The following ZNF83 variants were observed in gnomAD, a reference collection of about 807,000 sequenced individuals.
ZNF83 encodes the protein zinc finger protein 83.
For synonymous variants in ZNF83, 209 were observed against 213.0 expected (o/e 0.98, Z 0.17); for missense variants, 552 against 629.9 (o/e 0.88, Z 1.32).
At chr19:52,679,197 T>C (rs2061867743) in intron 1 of ZNF83, among the ~76,000 whole-genome samples, 1 of 152,188 alleles carries the variant, frequency 6.6e-6, no homozygotes, top group South Asian at 2.1e-4. Flanking sequence ...TGAGCCCAAA[T>C]GACATCCTCA....
intron 3 of ZNF83, among the ~76,000 whole-genome samples, chr19:52,647,749 C>T (rs561879237): frequency 6.6e-6 from 1 of 151,768 alleles, no homozygotes; most frequent in East Asian, 1.9e-4. Flanking sequence ...CCTTCTCTTC[C>T]ACCTCTTCTG....
At chr19:52,616,118 G>A (rs753011210) in intron 2 of ZNF83, among the ~76,000 whole-genome samples, 1 of 152,234 alleles carries the variant, frequency 6.6e-6, no homozygotes, top group Non-Finnish European at 1.5e-5. Context: ...GATTTCAGGT[G>A]TGAGCCACTG....
At chr19:52,681,280 C>CAAAAAAAAAAAAAAAAAAAAA (rs56916405) in intron 1 of ZNF83, among the ~76,000 whole-genome samples, 7 of 75,424 alleles carry the variant, frequency 9.3e-5, no homozygotes, top group African/African-American at 2.8e-4. Context: ...GAGACTTTCT[C>CAAAAAAAAAAAAAAAAAAAAA]AAAAAAAAAA....
chr19:52,664,184 AT>A (rs57600625), intron 1 of ZNF83, among the ~76,000 whole-genome samples: 54,618 of 141,412 alleles, frequency 0.39, 10,523 homozygotes, highest in African/African-American at 0.46. Flanking sequence ...CACCAGGCCT[AT>A]TTTTTTTTTT....
chr19:52,677,378 C>A (rs1335832978), intron 1 of ZNF83, among the ~76,000 whole-genome samples: 8 of 150,044 alleles, frequency 5.3e-5, no homozygotes, highest in Non-Finnish European at 8.9e-5. Flanking sequence ...CCCAGCTACT[C>A]AGGAGGCTGA....
chr19:52,644,927 T>C (rs1442002026), intron 3 of ZNF83, among the ~76,000 whole-genome samples: 1 of 150,926 alleles, frequency 6.6e-6, no homozygotes, highest in Non-Finnish European at 1.5e-5. Context: ...GGAGAATAGC[T>C]TGAACCCGGG....
intron 1 of ZNF83, among the ~76,000 whole-genome samples, chr19:52,679,744 A>G (rs1030423434): frequency 6.6e-6 from 1 of 152,192 alleles, no homozygotes; most frequent in African/African-American, 2.4e-5. Context: ...CTAGAGCAGG[A>G]TGATGTTCAA....
chr19:52,690,197 A>C (rs1204740430), intron 1 of ZNF83, among the ~76,000 whole-genome samples: 2 of 147,150 alleles, frequency 1.4e-5, no homozygotes, highest in African/African-American at 2.7e-5. Context: ...AAAAAAAAAA[A>C]ACAACAACAA....
At chr19:52,671,597 C>G (rs1290906780) in intron 1 of ZNF83, among the ~76,000 whole-genome samples, 1 of 152,240 alleles carries the variant, frequency 6.6e-6, no homozygotes, top group East Asian at 1.9e-4. Context: ...CCCTCACCAC[C>G]AAGCCTGGCT....
chr19:52,628,418 A>G (rs1230626011), intron 2 of ZNF83, among the ~76,000 whole-genome samples: 3 of 152,050 alleles, frequency 2.0e-5, no homozygotes, highest in African/African-American at 7.2e-5. Flanking sequence ...TCTTGGCACC[A>G]CACTTCAATC....
chr19:52,676,386 C>T (rs2061805760), intron 1 of ZNF83, among the ~76,000 whole-genome samples: 1 of 152,328 alleles, frequency 6.6e-6, no homozygotes, highest in African/African-American at 2.4e-5. Flanking sequence ...AGATTGCAGC[C>T]TCTGCCCGGC....
At position 52,627,709 on chromosome 19, in the gene ZNF83, C is replaced by A. The variant is rs528053190; in HGVS notation, c.-234+7357G>T. ...CTTAATGTCAAGGTGATGAACTACTCTGTACAACAAACCCCGATGACACGA... is the reference window on the plus strand; with the variant it reads ...CTTAATGTCAAGGTGATGAACTACTATGTACAACAAACCCCGATGACACGA... On this transcript the variant is annotated intron_variant, in intron 2 of 2. Transcript: ENST00000301096. Among the ~76,000 whole-genome samples, 6 of 152,258 alleles carry A rather than the reference C, an allele frequency of 3.9e-5. No homozygotes were observed. The East Asian group carries it at 1.2e-3, about 29-fold the overall frequency.
chr19:52,654,552 A>G (rs1467073772), intron 3 of ZNF83: 1 of 423,550 alleles, frequency 2.4e-6, no homozygotes, highest in Non-Finnish European at 4.0e-6. Flanking sequence ...CCCTGTCTCT[A>G]TTAAAAATAC....
chr19:52,615,708 AATT>A lies in ZNF83; in HGVS notation c.-233-914_-233-912del, dbSNP rs1353764504. On this transcript the variant is annotated intron_variant, in intron 2 of 2. Transcript: ENST00000301096. ...CTTCACTGCTTACAGGTTTATGAGA[AATT>A]ATTTCCTGAAGTTTAGGATGTAAGC... Among the ~76,000 whole-genome samples the A allele has an allele frequency of 4.6e-5, 7 of 152,328 alleles. No individual in the cohort carries two copies. In the East Asian group the frequency reaches 1.4e-3, roughly 29 times the overall value.
Position 52,613,861 on chromosome 19 carries a change from C to T in ZNF83, c.704G>A (p.Cys235Tyr), listed in dbSNP as rs1366424092. 17 of 1,614,046 alleles carry T rather than the reference C, an allele frequency of 1.1e-5. No homozygotes were observed. Among genetic ancestry groups the T allele is most frequent in the Non-Finnish European group, 1.4e-5 (16 of 1,180,012 alleles). ...ACTGAACACCTTGCCACATTTGTTACATTCGTAAGGTTTTTCTCCAGTATG... is the reference window on the plus strand; with the variant it reads ...ACTGAACACCTTGCCACATTTGTTATATTCGTAAGGTTTTTCTCCAGTATG... The change falls in exon 3 of 3, where the codon TGT (cysteine) becomes TAT (tyrosine). Residue 235 changes from cysteine to tyrosine, a missense_variant. Cys to Tyr is a radical substitution (Grantham distance 194, BLOSUM62 -2). Coordinates refer to ENST00000301096, the Ensembl canonical transcript of ZNF83.
intron 2 of ZNF83, among the ~76,000 whole-genome samples, chr19:52,618,205 C>T (rs1368017038): frequency 6.6e-6 from 1 of 152,052 alleles, no homozygotes; most frequent in Non-Finnish European, 1.5e-5. Flanking sequence ...GATAATCTTA[C>T]CTTAGCCTTT....
intron 1 of ZNF83, among the ~76,000 whole-genome samples, chr19:52,675,972 A>G (rs1390662794): frequency 6.6e-6 from 1 of 152,118 alleles, no homozygotes; most frequent in Non-Finnish European, 1.5e-5. Flanking sequence ...CAGGCAGATC[A>G]TGAGGTCAGG....
chr19:52,673,464 C>G (rs2061754316), intron 1 of ZNF83, among the ~76,000 whole-genome samples: 1 of 151,960 alleles, frequency 6.6e-6, no homozygotes, highest in African/African-American at 2.4e-5. Flanking sequence ...GATCGCACCA[C>G]TACACTCCAG....
chr19:52,648,068 T>C (rs1336391654), intron 3 of ZNF83, among the ~76,000 whole-genome samples: 1 of 152,106 alleles, frequency 6.6e-6, no homozygotes, highest in Non-Finnish European at 1.5e-5. Context: ...GCTGCCCCTC[T>C]TCCTGCCTTG....
Sources: gnomAD v4.1 joint callset for allele counts (sites outside exome capture counted in the v4.1 genomes callset) on GRCh38, gnomAD v4.1.1 for gene constraint, MANE v1.5 for transcripts, NCBI Gene and HGNC (gene_info 2026-07-23, HGNC 2026-07-21) for gene names.